The following LMNTD1 variants were observed in gnomAD, a reference collection of about 807,000 sequenced individuals.
LMNTD1 encodes the protein lamin tail domain containing 1.
LMNTD1 carries 35 observed loss-of-function variants against 50.9 expected under a neutral mutation model. The observed-to-expected ratio is 0.69, with a 90% CI of 0.53 to 0.91. LMNTD1 has a LOEUF of 0.91. LMNTD1 is among the 40% of genes least tolerant of loss of function. The pLI, the probability that LMNTD1 is intolerant of heterozygous loss-of-function variation, is 0.00. For missense variants in LMNTD1, 470 were observed against 475.5 expected, an observed-to-expected ratio of 0.99 and a Z score of 0.11; for synonymous variants, 153 against 161.9, an observed-to-expected ratio of 0.94 and a Z score of 0.42.
chr12:25,642,731 A>C (rs1471611426), intron 1 of LMNTD1, among the ~76,000 whole-genome samples: 1 of 152,180 alleles, frequency 6.6e-6, no homozygotes, highest in African/African-American at 2.4e-5. Flanking sequence ...CTTTCTCCTC[A>C]TCTCAGAAAA....
chr12:25,502,153 A>G (rs561855516), intron 9 of LMNTD1, among the ~76,000 whole-genome samples: 5 of 152,126 alleles, frequency 3.3e-5, no homozygotes, highest in Admixed American at 6.5e-5. Flanking sequence ...AAGGCTAAAA[A>G]CCTCTGCCAA....
intron 1 of LMNTD1, among the ~76,000 whole-genome samples, chr12:25,580,656 T>C (rs1048573049): frequency 5.3e-5 from 8 of 152,346 alleles, no homozygotes; most frequent in African/African-American, 1.7e-4. Flanking sequence ...GCCTGATCTA[T>C]ACCAAAATTA....
chr12:25,487,457 C>T (rs1591819682), intron 9 of LMNTD1, among the ~76,000 whole-genome samples: 3 of 136,756 alleles, frequency 2.2e-5, no homozygotes, highest in African/African-American at 5.5e-5. Flanking sequence ...GGATTGCAAC[C>T]CCTGCCTTTT....
In LMNTD1 at chr12:25,549,403, C is replaced by G. The variant is rs1281568355; in HGVS notation, c.233G>C (p.Arg78Thr). The G allele has an allele frequency of 6.2e-7, 1 of 1,612,986 alleles. No homozygotes were observed. Among genetic ancestry groups the G allele is most frequent in the Non-Finnish European group, 8.5e-7 (1 of 1,179,268 alleles). The change falls in exon 3 of 10, where the codon AGA becomes ACA. Residue 78 changes from arginine to threonine, a missense_variant. By Grantham distance (71) the Arg-to-Thr change is moderately conservative (BLOSUM62 -1). Coordinates refer to ENST00000458174, the MANE Select transcript of LMNTD1 (RefSeq NM_001145728.2). ...GYYLSSPQIS[R>T]VTISTTGQLT... ...TTGTCCAGTTGTTGATATAGTTACT[C>G]TACTAATCTGAGGACTAGACAGATA...
At chr12:25,549,635 G>T in intron 2 of LMNTD1, 89 bp from the exon 3 acceptor site, 1 of 653,856 alleles carries the variant, frequency 1.5e-6, no homozygotes. Context: ...TTATTACCCA[G>T]AATTCTGCTT....
chr12:25,570,228 C>A (rs895694175), intron 1 of LMNTD1, among the ~76,000 whole-genome samples: 1 of 152,086 alleles, frequency 6.6e-6, no homozygotes, highest in Non-Finnish European at 1.5e-5. Context: ...TTAGATGAAA[C>A]TATAGTAGCT....
upstream of LMNTD1, among the ~76,000 whole-genome samples, chr12:25,554,825 A>G (rs1410735150): frequency 6.6e-6 from 1 of 152,166 alleles, no homozygotes; most frequent in Non-Finnish European, 1.5e-5. Flanking sequence ...GCACTTTGGG[A>G]GGCCAAAGGG....
At chr12:25,581,791 C>T (rs1565499811) in intron 1 of LMNTD1, among the ~76,000 whole-genome samples, 3 of 152,128 alleles carry the variant, frequency 2.0e-5, no homozygotes, top group African/African-American at 7.2e-5. Flanking sequence ...AGCCTATTGC[C>T]CCTAGGCTAC....
upstream of LMNTD1, among the ~76,000 whole-genome samples, chr12:25,554,990 G>T (rs1342564001): frequency 6.6e-6 from 1 of 151,702 alleles, no homozygotes; most frequent in African/African-American, 2.4e-5. Context: ...CGCTTGAACC[G>T]GGGATGTGGA....
At chr12:25,642,031 T>C (rs1946967829) in intron 1 of LMNTD1, among the ~76,000 whole-genome samples, 1 of 152,050 alleles carries the variant, frequency 6.6e-6, no homozygotes, top group Admixed American at 6.6e-5. Context: ...TACTGTACAG[T>C]CTCCTCATTA....
chr12:25,614,216 C>T (rs1417996826), intron 1 of LMNTD1, among the ~76,000 whole-genome samples: 5 of 152,002 alleles, frequency 3.3e-5, no homozygotes, highest in East Asian at 3.9e-4. Context: ...AAGCTTCCTA[C>T]GCATTTTTCT....
intron 9 of LMNTD1, among the ~76,000 whole-genome samples, chr12:25,489,944 T>G (rs1035081265): frequency 1.3e-5 from 2 of 152,228 alleles, no homozygotes; most frequent in Admixed American, 6.5e-5. Flanking sequence ...AGAGAAACTG[T>G]AAAAACGGTA....
chr12:25,569,193 T>G (rs1374477415), intron 1 of LMNTD1, among the ~76,000 whole-genome samples: 6 of 152,212 alleles, frequency 3.9e-5, no homozygotes, highest in African/African-American at 1.2e-4. Context: ...AGTCCACCCA[T>G]TATACAGTGT....
intron 8 of LMNTD1, among the ~76,000 whole-genome samples, chr12:25,511,063 A>G (rs1940250133): frequency 6.6e-6 from 1 of 152,138 alleles, no homozygotes; most frequent in South Asian, 2.1e-4. Flanking sequence ...AAAAAGAATT[A>G]TCCATGAAAA....
At chr12:25,566,790 G>A (rs977898989) in intron 1 of LMNTD1, among the ~76,000 whole-genome samples, 3 of 152,186 alleles carry the variant, frequency 2.0e-5, no homozygotes, top group African/African-American at 4.8e-5. Flanking sequence ...AGCAACGGGC[G>A]TCAATGAAGG....
intron 1 of LMNTD1, among the ~76,000 whole-genome samples, chr12:25,599,366 AAT>A (rs1945913146): frequency 6.6e-6 from 1 of 152,032 alleles, no homozygotes; most frequent in Admixed American, 6.6e-5. Flanking sequence ...GAATGGGGAA[AAT>A]CAAAAAGCCC....
chr12:25,593,867 CA>C (rs938544355), intron 1 of LMNTD1, among the ~76,000 whole-genome samples: 4 of 146,966 alleles, frequency 2.7e-5, no homozygotes, highest in Non-Finnish European at 6.0e-5. Context: ...ATAGCATAAA[CA>C]AAAAACATTC....
chr12:25,570,371 T>A (rs1944736018), intron 1 of LMNTD1, among the ~76,000 whole-genome samples: 1 of 152,148 alleles, frequency 6.6e-6, no homozygotes, highest in Admixed American at 6.5e-5. Context: ...AGAGGTGACA[T>A]GAGTGGGCCT....
intron 4 of LMNTD1, among the ~76,000 whole-genome samples, chr12:25,532,617 C>T (rs575706177): frequency 1.3e-5 from 2 of 152,212 alleles, no homozygotes; most frequent in South Asian, 2.1e-4. Context: ...TATGAAATCT[C>T]GTGATATACA....
Sources: allele counts gnomAD v4.1 joint callset (sites outside exome capture counted in the v4.1 genomes callset), GRCh38; gene constraint gnomAD v4.1.1; transcripts MANE v1.5; gene names NCBI Gene and HGNC (gene_info 2026-07-23, HGNC 2026-07-21).